Variants in P2RY6 observed in about 807,000 individuals in gnomAD.
P2RY6 encodes the protein pyrimidinergic receptor P2Y6, also known as P2Y purinoceptor 6.
Under a neutral mutation model 16.3 loss-of-function variants are expected in P2RY6, and 19 were observed. The observed-to-expected ratio is 1.16, with a 90% CI of 0.81 to 1.71. The LOEUF (loss-of-function observed/expected upper bound fraction) is 1.71, where lower values mean the gene tolerates loss of function less well. Ranked by LOEUF, P2RY6 falls within the 40% of genes most tolerant of loss-of-function variation. The pLI is 0.00. For synonymous variants in P2RY6, 184 were observed against 201.5 expected, an observed-to-expected ratio of 0.91 and a Z score of 0.74; for missense variants, 389 against 455.5, an observed-to-expected ratio of 0.85 and a Z score of 1.33.
chr11:73,293,585 C>T (rs894196018), intron 1 of P2RY6, among the ~76,000 whole-genome samples: 1 of 152,188 alleles, frequency 6.6e-6, no homozygotes, highest in African/African-American at 2.4e-5. Flanking sequence ...TCCTTGAGGC[C>T]GGCCCCTGCC....
chr11:73,270,904 C>T (rs1445537965), upstream of P2RY6, among the ~76,000 whole-genome samples: 1 of 152,252 alleles, frequency 6.6e-6, no homozygotes, highest in South Asian at 2.1e-4. Flanking sequence ...AGGCTGCAGC[C>T]CCCTAGCTCT....
intron 2 of P2RY6, among the ~76,000 whole-genome samples, chr11:73,296,223 GA>G (rs142793721): frequency 0.064 from 7,779 of 121,376 alleles, 292 homozygotes; most frequent in Non-Finnish European, 0.078. Context: ...AAGGCTGAAG[GA>G]AAAAAAAAAA....
intron 1 of P2RY6, among the ~76,000 whole-genome samples, chr11:73,291,297 G>A (rs1350020445): frequency 6.6e-6 from 1 of 152,188 alleles, no homozygotes; most frequent in Non-Finnish European, 1.5e-5. Flanking sequence ...CCCAAGCCTT[G>A]CCCTGCCCTG....
At chr11:73,287,944 G>A (rs1365568303) in intron 1 of P2RY6, among the ~76,000 whole-genome samples, 2 of 152,200 alleles carry the variant, frequency 1.3e-5, no homozygotes, top group East Asian at 3.8e-4. Flanking sequence ...GCTGCTCCCT[G>A]GGCCTCTGTG....
chr11:73,266,495 G>T (rs970614384), intron 1 of P2RY6, among the ~76,000 whole-genome samples: 16 of 152,198 alleles, frequency 1.1e-4, no homozygotes, highest in African/African-American at 3.9e-4. Context: ...ACCAAGACAG[G>T]CCCTGAGAGC....
chr11:73,272,180 C>T (rs936048198), upstream of P2RY6: 3 of 177,566 alleles, frequency 1.7e-5, no homozygotes, highest in Non-Finnish European at 3.3e-5. Context: ...AAGTGACTTG[C>T]GGGCAGCTGG....
chr11:73,297,021 C>G lies in P2RY6; in HGVS notation c.503C>G (p.Thr168Arg), dbSNP rs1864525495. 1 of 1,600,756 alleles carries G rather than the reference C, an allele frequency of 6.2e-7. No homozygotes were observed. The change falls in exon 3 of 3, where the codon ACA becomes AGA. Residue 168 changes from threonine (T) to arginine (R), a missense_variant. Physicochemically the swap from Thr to Arg is moderately conservative, Grantham distance 71 (BLOSUM62 -1). Transcript: ENST00000540124. Reference sequence around the variant, plus strand: ...CTGCCCACAGCCATCTTCGCTGCCACAGGCATCCAGCGTAACCGCACTGTC... The same window carrying G: ...CTGCCCACAGCCATCTTCGCTGCCAGAGGCATCCAGCGTAACCGCACTGTC... ...QCLPTAIFAA[T>R]GIQRNRTVCY...
intron 1 of P2RY6, among the ~76,000 whole-genome samples, chr11:73,289,662 C>T (rs1330525628): frequency 6.6e-6 from 1 of 152,232 alleles, no homozygotes; most frequent in Non-Finnish European, 1.5e-5. Flanking sequence ...CTCATGGCTA[C>T]AGGGTCTCAA....
chr11:73,279,457 C>T (rs891719040), intron 1 of P2RY6, among the ~76,000 whole-genome samples: 3 of 152,142 alleles, frequency 2.0e-5, no homozygotes, highest in African/African-American at 7.2e-5. Flanking sequence ...ATTTTGGTTA[C>T]AAGATACAAA....
chr11:73,279,149 T>G (rs1435796326), intron 1 of P2RY6, among the ~76,000 whole-genome samples: 1 of 152,174 alleles, frequency 6.6e-6, no homozygotes, highest in Non-Finnish European at 1.5e-5. Flanking sequence ...TCTTTTCATA[T>G]GCTTATTGGC....
intron 1 of P2RY6, among the ~76,000 whole-genome samples, chr11:73,293,170 GAA>G (rs1233522033): frequency 6.6e-6 from 1 of 152,164 alleles, no homozygotes; most frequent in Non-Finnish European, 1.5e-5. Context: ...GAGATTAGTT[GAA>G]TGGCATTTTG....
chr11:73,265,429 T>C (rs1565157189), intron 1 of P2RY6: 1 of 152,278 alleles, frequency 6.6e-6, no homozygotes, highest in Non-Finnish European at 1.5e-5. Flanking sequence ...ACTGTTCTGA[T>C]AAATTACCAT....
At chr11:73,291,077 G>A (rs2135745607) in intron 1 of P2RY6, among the ~76,000 whole-genome samples, 1 of 152,358 alleles carries the variant, frequency 6.6e-6, no homozygotes, top group Admixed American at 6.5e-5. Context: ...GGAAGGGGCA[G>A]CTGGCCTTAG....
intron 1 of P2RY6, among the ~76,000 whole-genome samples, chr11:73,293,316 C>T (rs369824442): frequency 1.4e-4 from 22 of 152,124 alleles, no homozygotes; most frequent in South Asian, 6.2e-4. Flanking sequence ...GTGGCCCTGG[C>T]GTACTTCAGA....
At chr11:73,280,963 C>T (rs1406390327) in intron 1 of P2RY6, among the ~76,000 whole-genome samples, 1 of 152,044 alleles carries the variant, frequency 6.6e-6, no homozygotes. Flanking sequence ...CTGGAATGGC[C>T]CTGGAGATGG....
chr11:73,268,054 G>A (rs531148437), upstream of P2RY6, among the ~76,000 whole-genome samples: 3 of 152,392 alleles, frequency 2.0e-5, no homozygotes, highest in African/African-American at 7.2e-5. Flanking sequence ...TGCCTGCCGT[G>A]GGTGGTGTGT....
chr11:73,297,768 A>C lies in P2RY6; in HGVS notation c.*263A>C. The C allele has an allele frequency of 1.9e-6, 1 of 514,862 alleles. No individual in the cohort carries two copies. The highest frequency in any genetic ancestry group is 3.6e-6 in the Non-Finnish European group (1 of 279,910). 31.9% of individuals were successfully genotyped at this position (514,862 alleles called of 1,614,324 possible). A position where few individuals can be genotyped will look rare whatever the true frequency, so the allele number is the denominator to read the frequency against. On this transcript the variant is annotated 3_prime_UTR_variant, in exon 3 of 3. Coordinates refer to ENST00000540124, the MANE Select transcript of P2RY6 (RefSeq NM_001277204.2). ...CATGGAGAGCTGGGGAAACCACATT[A>C]AGGTGCTCACAAAAATACAGTGTGA... is the stretch of plus-strand genomic sequence containing the variant.
chr11:73,293,434 A>C (rs574340193), intron 1 of P2RY6, among the ~76,000 whole-genome samples: 1 of 152,228 alleles, frequency 6.6e-6, no homozygotes, highest in East Asian at 2.0e-4. Flanking sequence ...GCCACTTGTT[A>C]GCAAGCCCCC....
At chr11:73,290,550 G>A (rs942917019) in intron 1 of P2RY6, among the ~76,000 whole-genome samples, 2 of 152,212 alleles carry the variant, frequency 1.3e-5, no homozygotes, top group Admixed American at 1.3e-4. Context: ...TCTTTGCAGA[G>A]CTCATCCATT....
Sources: gnomAD v4.1 joint callset for allele counts (sites outside exome capture counted in the v4.1 genomes callset) on GRCh38, gnomAD v4.1.1 for gene constraint, MANE v1.5 for transcripts, NCBI Gene and HGNC (gene_info 2026-07-23, HGNC 2026-07-21) for gene names.